CCDC73: variants seen among roughly 807,000 people sequenced by gnomAD.
CCDC73 encodes the protein coiled-coil domain-containing protein 73.
Under a neutral mutation model 116.5 loss-of-function variants are expected in CCDC73, and 95 were observed. The observed-to-expected ratio is 0.82, with a 90% CI of 0.69 to 0.97. The LOEUF (loss-of-function observed/expected upper bound fraction) is 0.97, where lower values mean the gene tolerates loss of function less well. Ranked by LOEUF, CCDC73 falls within the 50% of genes least tolerant of loss-of-function variation. CCDC73 has a pLI of 0.00. For missense variants in CCDC73, 1,066 were observed against 1,206.8 expected, an observed-to-expected ratio of 0.88 and a Z score of 1.73; for synonymous variants, 398 against 401.3, an observed-to-expected ratio of 0.99 and a Z score of 0.10.
intron 1 of CCDC73, among the ~76,000 whole-genome samples, chr11:32,771,096 T>C (rs949276920): frequency 2.0e-5 from 3 of 152,164 alleles, no homozygotes; most frequent in Non-Finnish European, 4.4e-5. Flanking sequence ...GGAGAAAAGA[T>C]TCATAGAAAC....
At chr11:32,789,169 AC>A (rs1476717226) in intron 1 of CCDC73, among the ~76,000 whole-genome samples, 4 of 152,292 alleles carry the variant, frequency 2.6e-5, no homozygotes, top group Admixed American at 2.6e-4. Flanking sequence ...ATTTTTAGAA[AC>A]ATAAAGATTA....
chr11:32,699,876 A>AC (rs1375031617), intron 5 of CCDC73, among the ~76,000 whole-genome samples: 1 of 23,550 alleles, frequency 4.2e-5, no homozygotes, highest in Non-Finnish European at 7.8e-5. Context: ...ACTTAGATTA[A>AC]AAAATATATA....
chr11:32,674,143 T>C (rs2133285768), intron 9 of CCDC73, among the ~76,000 whole-genome samples: 1 of 152,306 alleles, frequency 6.6e-6, no homozygotes, highest in South Asian at 2.1e-4. Flanking sequence ...AGTATAGATC[T>C]GGAGGGGCAA....
At chr11:32,757,400 AT>A (rs1466301188) in intron 2 of CCDC73, among the ~76,000 whole-genome samples, 6 of 152,206 alleles carry the variant, frequency 3.9e-5, no homozygotes, top group Admixed American at 2.6e-4. Context: ...TTTCCAACTT[AT>A]TTGGAAATGA....
intron 2 of CCDC73, among the ~76,000 whole-genome samples, chr11:32,757,538 C>T (rs1414567443): frequency 2.0e-5 from 3 of 152,056 alleles, no homozygotes; most frequent in Non-Finnish European, 4.4e-5. Context: ...CTTAAAACAA[C>T]TCAAATTTAT....
intron 7 of CCDC73, among the ~76,000 whole-genome samples, chr11:32,676,359 T>A (rs1016723354): frequency 6.6e-6 from 1 of 152,192 alleles, no homozygotes; most frequent in Non-Finnish European, 1.5e-5. Flanking sequence ...AGCAATACTT[T>A]TGGTACTTTA....
At chr11:32,774,761 G>A (rs2133389768) in intron 1 of CCDC73, among the ~76,000 whole-genome samples, 1 of 152,234 alleles carries the variant, frequency 6.6e-6, no homozygotes, top group Non-Finnish European at 1.5e-5. Flanking sequence ...ATTTCATAGA[G>A]CAGTTGATTA....
At chr11:32,822,083 A>T in the CCDC73 span, among the ~76,000 whole-genome samples, 2 of 152,176 alleles carry the variant, frequency 1.3e-5, no homozygotes, top group Non-Finnish European at 2.9e-5. Context: ...ACCAGAGGTA[A>T]ATGGTTTGGG....
intron 9 of CCDC73, among the ~76,000 whole-genome samples, chr11:32,658,990 TA>T (rs1017418436): frequency 6.6e-6 from 1 of 152,050 alleles, no homozygotes; most frequent in Non-Finnish European, 1.5e-5. Flanking sequence ...TTACACAAAA[TA>T]AGAGACAGAA....
chr11:32,778,235 C>G (rs1484446315), intron 1 of CCDC73, among the ~76,000 whole-genome samples: 7 of 152,108 alleles, frequency 4.6e-5, no homozygotes, highest in African/African-American at 1.2e-4. Flanking sequence ...TCTACTGAGT[C>G]AGAAAATGGG....
rs529416425 is a variant in CCDC73 at position 32,675,562 on chromosome 11, T to C, written c.645+3A>G. 3 of 1,532,888 alleles carry C rather than the reference T, an allele frequency of 2.0e-6. No homozygotes were observed. Among genetic ancestry groups the C allele is most frequent in the Middle Eastern group, 1.8e-4 (1 of 5,448 alleles). 95.0% of individuals were successfully genotyped at this position (1,532,888 alleles called of 1,614,324 possible). On this transcript the variant is annotated splice_donor_region_variant and intron_variant, in intron 9 of 17. Coordinates refer to ENST00000335185, the MANE Select transcript of CCDC73 (RefSeq NM_001008391.4). Reference sequence around the variant, plus strand: ...TAGTAGTGTGAAACTGTATCAATCATACCTTCTTTAAACTGCATATTTCAG... The same window carrying C: ...TAGTAGTGTGAAACTGTATCAATCACACCTTCTTTAAACTGCATATTTCAG...
intron 2 of CCDC73, among the ~76,000 whole-genome samples, chr11:32,748,760 A>T (rs1850262176): frequency 6.6e-6 from 1 of 152,174 alleles, no homozygotes; most frequent in Non-Finnish European, 1.5e-5. Context: ...GAAATCCCTC[A>T]GCTTTTATTT....
At chr11:32,660,246 A>AC (rs1855910446) in intron 9 of CCDC73, among the ~76,000 whole-genome samples, 1 of 150,698 alleles carries the variant, frequency 6.6e-6, no homozygotes, top group African/African-American at 2.4e-5. Context: ...AAAAAAAAAA[A>AC]AAAAAAAAAC....
At chr11:32,805,618 C>T in the CCDC73 span, among the ~76,000 whole-genome samples, 1 of 152,076 alleles carries the variant, frequency 6.6e-6, no homozygotes, top group African/African-American at 2.4e-5. Flanking sequence ...GAAGAAAATC[C>T]TTCAGATCAG....
chr11:32,706,396 A>C (rs1160757319), intron 3 of CCDC73, among the ~76,000 whole-genome samples: 1 of 152,228 alleles, frequency 6.6e-6, no homozygotes, highest in Non-Finnish European at 1.5e-5. Context: ...TTCAAAAAAA[A>C]GGCTTAGAAC....
chr11:32,614,537 T>A lies in CCDC73; in HGVS notation c.1781A>T (p.Asp594Val). The change falls in exon 16 of 18, where the codon GAT becomes GTT. Residue 594 changes from aspartate to valine, a missense_variant. Physicochemically the swap from Asp to Val is radical, Grantham distance 152. Coordinates refer to ENST00000335185, the MANE Select transcript of CCDC73 (RefSeq NM_001008391.4). Reference sequence around the variant, plus strand: ...TTTGAATGGCTCATTTTCAGAAACATCTTTATTATTATTGTGATATGTATT... The same window carrying A: ...TTTGAATGGCTCATTTTCAGAAACAACTTTATTATTATTGTGATATGTATT... ...AHNTYHNNNK[D>V]VSENEPFKQF... 1 of 1,613,152 alleles carries A rather than the reference T, an allele frequency of 6.2e-7. No individual in the cohort carries two copies. The highest frequency in any genetic ancestry group is 8.5e-7 in the Non-Finnish European group (1 of 1,179,384).
In CCDC73 at chr11:32,614,761, C is replaced by T. The variant is rs1437374563; in HGVS notation, c.1557G>A (p.Lys519=). Residue 519 remains lysine (K), a synonymous_variant, in exon 16 of 18, where the codon AAG becomes AAA. Coordinates refer to ENST00000335185, the MANE Select transcript of CCDC73 (RefSeq NM_001008391.4). The part of the protein sequence containing the change: ...RKSVTTEIKD[K]ICLEKDNGCT... ...ATCCATTGTCTTTTTCCAAGCATAT[C>T]TTGTCTTTTATTTCTGTAGTAACTG... 7 of 1,613,048 alleles carry T rather than the reference C, an allele frequency of 4.3e-6. No homozygotes were observed. The highest frequency in any genetic ancestry group is 5.1e-6 in the Non-Finnish European group (6 of 1,179,594).
intron 2 of CCDC73, among the ~76,000 whole-genome samples, chr11:32,741,808 T>A (rs940699803): frequency 6.6e-6 from 1 of 151,972 alleles, no homozygotes; most frequent in African/African-American, 2.4e-5. Context: ...ATCCCTCCCC[T>A]AGTCACCCAC....
intron 3 of CCDC73, among the ~76,000 whole-genome samples, chr11:32,706,857 C>T (rs950993256): frequency 1.9e-4 from 29 of 152,252 alleles, no homozygotes; most frequent in African/African-American, 6.5e-4. Flanking sequence ...ATTATGTAAA[C>T]AGAATTGCAA....
Sources: allele counts gnomAD v4.1 joint callset (sites outside exome capture counted in the v4.1 genomes callset), GRCh38; gene constraint gnomAD v4.1.1; transcripts MANE v1.5; gene names NCBI Gene and HGNC (gene_info 2026-07-23, HGNC 2026-07-21).